SYT16: variants seen among roughly 807,000 people sequenced by gnomAD.
SYT16 encodes synaptotagmin 16.
SYT16 carries 42 observed loss-of-function variants against 61.4 expected under a neutral mutation model. That is an observed-to-expected ratio of 0.68 (90% CI 0.53 to 0.89). The LOEUF is 0.89. Among genes scored for constraint, SYT16 ranks in the 40% least tolerant of loss-of-function variants. SYT16 has a pLI of 0.00. For synonymous variants in SYT16, 314 were observed against 302.3 expected (o/e 1.04, Z -0.40); for missense variants, 804 against 807.3 (o/e 1.00, Z 0.05).
intron 3 of SYT16, among the ~76,000 whole-genome samples, chr14:62,043,597 C>G (rs1398473327): frequency 6.6e-6 from 1 of 151,868 alleles, no homozygotes; most frequent in Admixed American, 6.6e-5. Flanking sequence ...TTGGTAGAGA[C>G]AGGGTTTCAC....
At chr14:61,944,840 A>G (rs890216190) in intron 1 of SYT16, among the ~76,000 whole-genome samples, 1 of 152,298 alleles carries the variant, frequency 6.6e-6, no homozygotes, top group Middle Eastern at 3.4e-3. Context: ...AAAGACTTCA[A>G]GACTAAAACA....
intron 1 of SYT16, among the ~76,000 whole-genome samples, chr14:61,900,477 T>G (rs2048475113): frequency 6.6e-6 from 1 of 152,192 alleles, no homozygotes; most frequent in African/African-American, 2.4e-5. Context: ...TTATTGGTAC[T>G]TCTATTCTGA....
intron 3 of SYT16, among the ~76,000 whole-genome samples, chr14:62,058,340 CTT>C (rs796187620): frequency 0.066 from 7,185 of 108,458 alleles, 113 homozygotes; most frequent in Admixed American, 0.082. Context: ...TGTTTAAATT[CTT>C]TTTTTTTTTT....
intron 2 of SYT16, among the ~76,000 whole-genome samples, chr14:61,975,055 A>G (rs957779056): frequency 2.6e-5 from 4 of 152,200 alleles, no homozygotes; most frequent in African/African-American, 7.2e-5. Context: ...TTTTCATTTT[A>G]TTTCTGCATT....
chr14:61,998,298 G>A (rs562803980), intron 3 of SYT16, among the ~76,000 whole-genome samples: 8 of 151,936 alleles, frequency 5.3e-5, no homozygotes, highest in Non-Finnish European at 8.8e-5. Flanking sequence ...CACAACCAAA[G>A]TATAAAATGG....
intron 3 of SYT16, among the ~76,000 whole-genome samples, chr14:62,049,311 T>C (rs2055157542): frequency 6.6e-6 from 1 of 152,198 alleles, no homozygotes; most frequent in Non-Finnish European, 1.5e-5. Flanking sequence ...CTGCCTTTTT[T>C]TGTTTTCCAT....
At chr14:62,036,655 C>T (rs909600132) in intron 3 of SYT16, among the ~76,000 whole-genome samples, 8 of 152,122 alleles carry the variant, frequency 5.3e-5, no homozygotes, top group East Asian at 1.9e-4. Context: ...GCACATCTTA[C>T]GTGGTGGCAG....
chr14:62,100,266 T>C, intron 7 of SYT16, 128 bp from the exon 8 acceptor site: 1 of 778,898 alleles, frequency 1.3e-6, no homozygotes, highest in Non-Finnish European at 2.0e-6. Flanking sequence ...GAACCAGGCT[T>C]AAGGATACTG....
chr14:62,011,738 G>A (rs1335681705), intron 3 of SYT16, among the ~76,000 whole-genome samples: 1 of 151,882 alleles, frequency 6.6e-6, no homozygotes, highest in East Asian at 1.9e-4. Context: ...ATTGAATGCT[G>A]TTTACAAGCC....
chr14:61,975,904 A>G (rs1486837811), intron 2 of SYT16, among the ~76,000 whole-genome samples: 2 of 152,220 alleles, frequency 1.3e-5, no homozygotes, highest in East Asian at 3.8e-4. Context: ...GCATTAATTC[A>G]AAAGTCCAAG....
chr14:62,052,210 C>G (rs2055336239), intron 3 of SYT16, among the ~76,000 whole-genome samples: 1 of 151,980 alleles, frequency 6.6e-6, no homozygotes, highest in Non-Finnish European at 1.5e-5. Flanking sequence ...TTAGATTAAT[C>G]CATGAATTTC....
intron 1 of SYT16, among the ~76,000 whole-genome samples, chr14:61,945,011 A>T (rs2050365058): frequency 6.6e-6 from 1 of 152,248 alleles, no homozygotes; most frequent in Non-Finnish European, 1.5e-5. Context: ...TAATATCCAG[A>T]ATGTACAAGG....
At chr14:61,978,122 AT>A (rs1170857032) in intron 2 of SYT16, among the ~76,000 whole-genome samples, 1 of 152,118 alleles carries the variant, frequency 6.6e-6, no homozygotes, top group Non-Finnish European at 1.5e-5. Context: ...TCTTCATTTG[AT>A]TACATCTGCA....
At chr14:61,874,266 A>G (rs1174833444) in intron 1 of SYT16, among the ~76,000 whole-genome samples, 1 of 152,174 alleles carries the variant, frequency 6.6e-6, no homozygotes, top group Non-Finnish European at 1.5e-5. Flanking sequence ...AATACAGTTG[A>G]CCCTTGAACA....
intron 3 of SYT16, among the ~76,000 whole-genome samples, chr14:62,030,010 G>T (rs572457221): frequency 3.8e-4 from 58 of 152,246 alleles, no homozygotes; most frequent in African/African-American, 1.3e-3. Context: ...TCACTTGCCA[G>T]TTGACAGATT....
chr14:61,823,739 G>A (rs972577939), intron 1 of SYT16, among the ~76,000 whole-genome samples: 21 of 152,280 alleles, frequency 1.4e-4, no homozygotes, highest in Non-Finnish European at 2.2e-4. Context: ...GTGACAGAGC[G>A]AGACCCTGTC....
intron 7 of SYT16, among the ~76,000 whole-genome samples, chr14:62,093,513 C>A (rs2141007142): frequency 6.6e-6 from 1 of 152,148 alleles, no homozygotes; most frequent in South Asian, 2.1e-4. Flanking sequence ...AAACACACTA[C>A]AGTTTATACT....
intron 3 of SYT16, among the ~76,000 whole-genome samples, chr14:62,059,905 G>C (rs1346782754): frequency 1.3e-5 from 2 of 151,836 alleles, no homozygotes; most frequent in East Asian, 3.9e-4. Context: ...CGTTGGCACT[G>C]TTGTGAAAAA....
chr14:61,939,040 C>G (rs1049861754), intron 1 of SYT16, among the ~76,000 whole-genome samples: 3 of 152,150 alleles, frequency 2.0e-5, no homozygotes, highest in Non-Finnish European at 4.4e-5. Context: ...GAGGCTGAGG[C>G]AGGAGAATTG....
Sources: allele counts gnomAD v4.1 joint callset (sites outside exome capture counted in the v4.1 genomes callset), GRCh38; gene constraint gnomAD v4.1.1; transcripts MANE v1.5; gene names NCBI Gene and HGNC (gene_info 2026-07-23, HGNC 2026-07-21).